The following ZNF43 variants were observed in gnomAD, a reference collection of about 807,000 sequenced individuals.
ZNF43 encodes zinc finger protein 39-like 1 (KOX 27).
A neutral mutation model predicts 68.4 loss-of-function variants in ZNF43; 44 were observed. That is an observed-to-expected ratio of 0.64 (90% CI 0.51 to 0.83). The LOEUF is 0.83. Ranked by LOEUF, ZNF43 falls within the 40% of genes least tolerant of loss-of-function variation. The pLI is 0.00. For synonymous variants in ZNF43, 308 were observed against 307.8 expected, an observed-to-expected ratio of 1.00 and a Z score of -0.01; for missense variants, 896 against 933.2, an observed-to-expected ratio of 0.96 and a Z score of 0.52.
intron 1 of ZNF43, among the ~76,000 whole-genome samples, chr19:21,830,260 T>G (rs1215897617): frequency 2.7e-5 from 4 of 145,578 alleles, no homozygotes; most frequent in Admixed American, 2.7e-4. Flanking sequence ...AGAGAGAGAT[T>G]CTGTTTCAAA....
At chr19:21,844,135 T>C (rs1315205674) in intron 1 of ZNF43, among the ~76,000 whole-genome samples, 1 of 151,856 alleles carries the variant, frequency 6.6e-6, no homozygotes, top group Non-Finnish European at 1.5e-5. Context: ...AGGCCCAGAC[T>C]GGGGCAGGTG....
intron 1 of ZNF43, among the ~76,000 whole-genome samples, chr19:21,834,335 C>CAAAAAAAAAAAAAAAAAAA (rs34305940): frequency 1.2e-5 from 1 of 86,448 alleles, no homozygotes. Context: ...AACACTGTCT[C>CAAAAAAAAAAAAAAAAAAA]AAAAAAAAAA....
chr19:21,812,176 G>A, intron 3 of ZNF43: 1 of 362,226 alleles, frequency 2.8e-6, no homozygotes, highest in Non-Finnish European at 4.9e-6. Context: ...ACCCATGCTG[G>A]AGTGCAGCGG....
rs148794398 is a variant in ZNF43, at chr19:21,828,350, C to T, written c.3+7686G>A. On this transcript the variant is annotated intron_variant, in intron 1 of 3. Transcript: ENST00000354959. ...ATCCCAGCACTTTGGGAGGCCAAGG[C>T]GGGCATACCACAAGGTCAGGAGATT... Among the ~76,000 whole-genome samples, 10 of 152,244 alleles carry T rather than the reference C, an allele frequency of 6.6e-5. No individual in the cohort carries two copies. In the East Asian group the frequency reaches 1.2e-3, roughly 18 times the overall value.
At chr19:21,821,322 AT>A (rs977384516) in intron 1 of ZNF43, among the ~76,000 whole-genome samples, 1 of 149,692 alleles carries the variant, frequency 6.7e-6, no homozygotes. Context: ...TTTTTTTTGT[AT>A]TTTTTTTCGT....
At chr19:21,832,360 C>T (rs113043188) in intron 1 of ZNF43, among the ~76,000 whole-genome samples, 782 of 152,128 alleles carry the variant, frequency 5.1e-3, no homozygotes, top group Non-Finnish European at 9.1e-3. Flanking sequence ...TTTTCTTACA[C>T]CATATACAAA....
At chr19:21,819,555 T>C (rs2037697788) in intron 1 of ZNF43, among the ~76,000 whole-genome samples, 1 of 152,212 alleles carries the variant, frequency 6.6e-6, no homozygotes, top group Admixed American at 6.5e-5. Context: ...GCGAATATTT[T>C]TCAGATAAAG....
At chr19:21,845,893 C>CA (rs34109698) in intron 1 of ZNF43, among the ~76,000 whole-genome samples, 32,123 of 125,774 alleles carry the variant, frequency 0.26, 3,597 homozygotes, top group South Asian at 0.34. Flanking sequence ...AACTCTGTCT[C>CA]AAAAAAAAAA....
At chr19:21,826,083 G>A (rs2038107258) in intron 1 of ZNF43, among the ~76,000 whole-genome samples, 1 of 152,002 alleles carries the variant, frequency 6.6e-6, no homozygotes, top group Non-Finnish European at 1.5e-5. Context: ...AGAGGTAAAT[G>A]GTTGGTTCCT....
At chr19:21,834,364 A>G (rs2038583534) in intron 1 of ZNF43, among the ~76,000 whole-genome samples, 1 of 126,848 alleles carries the variant, frequency 7.9e-6, no homozygotes, top group South Asian at 2.5e-4. Context: ...GTAAAGAAAA[A>G]AAGAAAAGGA....
chr19:21,808,710 T>C lies in ZNF43; in HGVS notation c.1327A>G (p.Lys443Glu). 1 of 1,612,602 alleles carries C rather than the reference T, an allele frequency of 6.2e-7. No individual in the cohort carries two copies. Among genetic ancestry groups the C allele is most frequent in the Non-Finnish European group, 8.5e-7 (1 of 1,179,726 alleles). Residue 443 changes from lysine (K) to glutamate (E), a missense_variant, in exon 4 of 4, where the codon AAA becomes GAA. Physicochemically the swap from Lys to Glu is moderately conservative, Grantham distance 56. Transcript: ENST00000354959. ...TCTCCAGTATGAATTCTGTTATGTTTAGTAAGGGTTGAGGGCCAGTTAAAG... is the reference window on the plus strand; with the variant it reads ...TCTCCAGTATGAATTCTGTTATGTTCAGTAAGGGTTGAGGGCCAGTTAAAG... ...KAFNWPSTLT[K>E]HNRIHTGEKP...
At chr19:21,824,166 G>A (rs568616131) in intron 1 of ZNF43, among the ~76,000 whole-genome samples, 4 of 152,236 alleles carry the variant, frequency 2.6e-5, no homozygotes, top group South Asian at 4.1e-4. Context: ...AGCCCAGGGC[G>A]ACAGTGAGAC....
intron 1 of ZNF43, 56 bp downstream of exon 1, chr19:21,835,979 GC>G: frequency 6.2e-7 from 1 of 1,612,218 alleles, no homozygotes; most frequent in South Asian, 1.1e-5. Flanking sequence ...CTGCGGGAAG[GC>G]CTGAGTCACG....
At chr19:21,840,970 A>C (rs1338770362), upstream of ZNF43, 1 of 152,222 alleles carries the variant, frequency 6.6e-6, no homozygotes, top group Non-Finnish European at 1.5e-5. Context: ...TACATATGAC[A>C]GTCACAATTT....
Position 21,817,883 on chromosome 19 carries a change from C to T in ZNF43, c.229+5G>A. The T allele has an allele frequency of 6.2e-7, 1 of 1,612,040 alleles. No individual in the cohort carries two copies. Among genetic ancestry groups the T allele is most frequent in the Non-Finnish European group, 8.5e-7 (1 of 1,178,508 alleles). On this transcript the variant is annotated splice_donor_5th_base_variant and intron_variant, in intron 3 of 3. Transcript: ENST00000354959. ...TTTGTTGTATTCACTTTCACTCTCA[C>T]CTACCTGGGGGTTTGGCTACCATTT...
At chr19:21,810,092 TCTCCAACATAACATA>T (rs1483790090) in intron 3 of ZNF43, among the ~76,000 whole-genome samples, 1 of 152,166 alleles carries the variant, frequency 6.6e-6, no homozygotes, top group Non-Finnish European at 1.5e-5. Flanking sequence ...CTTTTTCTGC[TCTCCAACATAACATA>T]GTGCCTTTAG....
rs765675745 is a variant in ZNF43 at position 21,818,022 on chromosome 19, T to C, written c.131-36A>G. ...AAAAAATAAATTACGTGAATCTTGC[T>C]CATATTCTCCCATTATTAACCTAGT... On this transcript the variant is annotated intron_variant, in intron 2 of 3. Coordinates refer to ENST00000354959, the MANE Select transcript of ZNF43 (RefSeq NM_003423.4). The C allele has an allele frequency of 4.0e-5, 63 of 1,578,564 alleles. No homozygotes were observed. The Admixed American group carries it at 1.1e-3, about 27-fold the overall frequency.
chr19:21,807,466 A>G lies in ZNF43; in HGVS notation c.*141T>C. 1 of 797,340 alleles carries G rather than the reference A, an allele frequency of 1.3e-6. No homozygotes were observed. The highest frequency in any genetic ancestry group is 2.7e-5 in the East Asian group (1 of 36,384). The allele number at this position is 797,340 out of a possible 1,614,324, so 49.4% of individuals were successfully genotyped here. ...CTTTCCTGTGCAATAAGGTACGAGC[A>G]TTAATTAAAAGTTTTGCCACATTCT... On this transcript the variant is annotated 3_prime_UTR_variant, in exon 4 of 4. Transcript: ENST00000354959.
chr19:21,850,805 G>A (rs2145440726), intron 1 of ZNF43: 1 of 152,362 alleles, frequency 6.6e-6, no homozygotes, highest in South Asian at 2.1e-4. Context: ...CCATCTGTGG[G>A]CAGCACCAAA....
Sources: gnomAD v4.1 joint callset for allele counts (sites outside exome capture counted in the v4.1 genomes callset) on GRCh38, gnomAD v4.1.1 for gene constraint, MANE v1.5 for transcripts, NCBI Gene and HGNC (gene_info 2026-07-23, HGNC 2026-07-21) for gene names.